Variants in TRIM35 observed in about 807,000 individuals in gnomAD.
The protein encoded by TRIM35 is tripartite motif containing 35.
Under a neutral mutation model 49.1 loss-of-function variants are expected in TRIM35, and 37 were observed. The ratio of observed to expected loss-of-function variants is 0.75; its 90% CI spans 0.58 to 0.99. TRIM35 has a LOEUF of 0.99. Ranked by LOEUF, TRIM35 falls within the 50% of genes least tolerant of loss-of-function variation. The pLI is 0.00. For synonymous variants in TRIM35, 302 were observed against 289.3 expected, an observed-to-expected ratio of 1.04 and a Z score of -0.45; for missense variants, 648 against 702.7, an observed-to-expected ratio of 0.92 and a Z score of 0.88.
chr8:27,293,962 A>G (rs919818633), intron 3 of TRIM35, 118 bp downstream of exon 3: 15 of 946,994 alleles, frequency 1.6e-5, no homozygotes, highest in Non-Finnish European at 2.3e-5. Context: ...GAGCTCCTCC[A>G]GGCCAGTACC....
chr8:27,297,555 TGGCA>T (rs1311812623), intron 2 of TRIM35, among the ~76,000 whole-genome samples: 16 of 152,158 alleles, frequency 1.1e-4, no homozygotes. Flanking sequence ...TCTAGATAAC[TGGCA>T]ATAGTGTGCC....
Position 27,310,971 on chromosome 8 carries a change from C to T in TRIM35, c.265G>A (p.Gly89Ser). The T allele has an allele frequency of 6.2e-7, 1 of 1,612,200 alleles. No individual in the cohort carries two copies. The change falls in exon 1 of 6, where the codon GGC becomes AGC. Residue 89 changes from glycine (G) to serine (S), a missense_variant. Transcript: ENST00000305364. ...AAGCGGTAGCTGGTCCAGCGCGCGC[C>T]CTCGGCCTCCTCGCGCAGCAGCTTC... Reference protein sequence around the residue: ...VEKLLREEAEGARWTSYRFSR... With the variant: ...VEKLLREEAESARWTSYRFSR...
chr8:27,298,425 T>A (rs762148624), intron 2 of TRIM35, 39 bp downstream of exon 2: 2 of 1,594,724 alleles, frequency 1.3e-6, no homozygotes, highest in Non-Finnish European at 1.7e-6. Flanking sequence ...CTGCCCTGAG[T>A]GGACCCAATC....
chr8:27,301,757 G>A lies in TRIM35; in HGVS notation c.436-3198C>T, dbSNP rs138643094. On this transcript the variant is annotated intron_variant, in intron 1 of 5. Transcript: ENST00000305364. ...CTACACTGAGATCACAAAAACAATC[G>A]TATTATTTCCTCAAAGCTTTATAGC... Among the ~76,000 whole-genome samples the A allele has an allele frequency of 5.2e-3, 796 of 152,166 alleles. 9 individuals are homozygous for A. The highest frequency in any genetic ancestry group is 0.018 in the African/African-American group (741 of 41,508).
intron 1 of TRIM35, among the ~76,000 whole-genome samples, chr8:27,307,239 A>C (rs1367961128): frequency 6.6e-6 from 1 of 152,084 alleles, no homozygotes; most frequent in Non-Finnish European, 1.5e-5. Flanking sequence ...GCTCCTAAGC[A>C]GGGCCCTCTG....
rs1236649272 is a variant in TRIM35 at position 27,311,248 on chromosome 8, C to A, written c.-13G>T. The A allele has an allele frequency of 1.3e-6, 2 of 1,492,982 alleles. No individual in the cohort carries two copies. Among genetic ancestry groups the A allele is most frequent in the South Asian group, 2.7e-5 (2 of 73,440 alleles). The allele number at this position is 1,492,982 out of a possible 1,614,324, so 92.5% of individuals were successfully genotyped here. On this transcript the variant is annotated 5_prime_UTR_variant, in exon 1 of 6. Transcript: ENST00000305364. ...GACTCCGCTCCATGGCACGAGCAGC[C>A]GGCTCGGGCGCCCGGAACTTTTGCT...
intron 3 of TRIM35, among the ~76,000 whole-genome samples, chr8:27,293,201 C>T (rs565474761): frequency 7.9e-5 from 12 of 152,060 alleles, no homozygotes; most frequent in Admixed American, 3.9e-4. Flanking sequence ...CACTCTACAG[C>T]GACACCCCTT....
intron 1 of TRIM35, among the ~76,000 whole-genome samples, chr8:27,300,763 T>A (rs956501705): frequency 1.3e-5 from 2 of 152,280 alleles, no homozygotes; most frequent in Non-Finnish European, 2.9e-5. Flanking sequence ...CTAATTTGCA[T>A]GAGTGCCCCC....
chr8:27,310,667 G>T, intron 1 of TRIM35, 134 bp downstream of exon 1: 1 of 1,030,130 alleles, frequency 9.7e-7, no homozygotes, highest in Non-Finnish European at 1.4e-6. Context: ...GGTCGGAGAG[G>T]TGGGGTCCTG....
chr8:27,299,262 T>C (rs766623068), intron 1 of TRIM35, among the ~76,000 whole-genome samples: 13 of 152,220 alleles, frequency 8.5e-5, no homozygotes, highest in Non-Finnish European at 1.9e-4. Flanking sequence ...TTAGGTTGGA[T>C]TCCTGCCTCT....
chr8:27,292,492 C>T (rs2130269540), intron 3 of TRIM35, among the ~76,000 whole-genome samples: 1 of 152,324 alleles, frequency 6.6e-6, no homozygotes, highest in Admixed American at 6.5e-5. Context: ...CTGATAGATG[C>T]TACAACATGA....
chr8:27,307,684 A>C lies in TRIM35; in HGVS notation c.435+3117T>G, dbSNP rs1043687746. Among the ~76,000 whole-genome samples the C allele has an allele frequency of 3.3e-5, 5 of 152,328 alleles. No homozygotes were observed. In the East Asian group the frequency reaches 9.6e-4, roughly 29 times the overall value. ...GCTGCCCGCTGAAGTCTGAGATGAG[A>C]GAAACCTCTCTCAAAGTCCAGGACC... On this transcript the variant is annotated intron_variant, in intron 1 of 5. Coordinates refer to ENST00000305364, the MANE Select transcript of TRIM35 (RefSeq NM_171982.5).
chr8:27,310,725 G>A (rs1411305303), intron 1 of TRIM35, 76 bp downstream of exon 1: 4 of 1,461,036 alleles, frequency 2.7e-6, no homozygotes, highest in African/African-American at 2.8e-5. Context: ...CAGGCAGGAG[G>A]GGCGGGAGCC....
intron 1 of TRIM35, 149 bp downstream of exon 1, chr8:27,310,652 A>G (rs1221251254): frequency 7.8e-6 from 7 of 895,220 alleles, no homozygotes; most frequent in Non-Finnish European, 1.2e-5. Context: ...AGCCCTGAGA[A>G]CCTGGGTCGG....
At chr8:27,308,995 T>A (rs1802844579) in intron 1 of TRIM35, among the ~76,000 whole-genome samples, 1 of 152,228 alleles carries the variant, frequency 6.6e-6, no homozygotes. Context: ...ATACCCTCTT[T>A]CACCTGGCTA....
At position 27,286,109 on chromosome 8, in the gene TRIM35, G is replaced by C. The variant is rs1344978117; in HGVS notation, c.*1441C>G. On this transcript the variant is annotated 3_prime_UTR_variant, in exon 6 of 6. Coordinates refer to ENST00000305364, the MANE Select transcript of TRIM35 (RefSeq NM_171982.5). ...GAAGGCAGGATGCTGTCCTTGGTCA[G>C]GAATGTGACCCAGATTTTAACACTG... 2.2e-6 allele frequency: 1 copy of C among 456,134 alleles called. No individual in the cohort carries two copies. Among genetic ancestry groups the C allele is most frequent in the Non-Finnish European group, 4.4e-6 (1 of 226,968 alleles). The allele number at this position is 456,134 out of a possible 1,614,324, so 28.3% of individuals were successfully genotyped here. A position where few individuals can be genotyped will look rare whatever the true frequency, so the allele number is the denominator to read the frequency against.
At chr8:27,309,065 T>C (rs1198810899) in intron 1 of TRIM35, among the ~76,000 whole-genome samples, 1 of 152,228 alleles carries the variant, frequency 6.6e-6, no homozygotes, top group Non-Finnish European at 1.5e-5. Flanking sequence ...ATGGTCTATC[T>C]TGTCTCCTGC....
intron 1 of TRIM35, among the ~76,000 whole-genome samples, chr8:27,302,534 G>A (rs2130304541): frequency 6.6e-6 from 1 of 152,108 alleles, no homozygotes; most frequent in African/African-American, 2.4e-5. Context: ...AGCCTCCCAA[G>A]TAGCTGGGAC....
rs547460371 is a variant in TRIM35 at position 27,288,809 on chromosome 8, A to T, written c.904+353T>A. On this transcript the variant is annotated intron_variant, in intron 5 of 5. Coordinates refer to ENST00000305364, the MANE Select transcript of TRIM35 (RefSeq NM_171982.5). Reference sequence around the variant, plus strand: ...CCGTAAAACCAGGACACTGTGGCTCATGTGGGCTGCAGTCGCCTTAGGAGA... The same window carrying T: ...CCGTAAAACCAGGACACTGTGGCTCTTGTGGGCTGCAGTCGCCTTAGGAGA... Among the ~76,000 whole-genome samples the T allele has an allele frequency of 2.0e-5, 3 of 152,356 alleles. No individual in the cohort carries two copies. The South Asian group carries it at 6.2e-4, about 32-fold the overall frequency.
Sources: allele counts gnomAD v4.1 joint callset (sites outside exome capture counted in the v4.1 genomes callset), GRCh38; gene constraint gnomAD v4.1.1; transcripts MANE v1.5; gene names NCBI Gene and HGNC (gene_info 2026-07-23, HGNC 2026-07-21).